Variants in WNK1 observed in about 807,000 individuals in gnomAD.
WNK1 encodes WNK lysine deficient protein kinase 1, also known as serine/threonine-protein kinase WNK1.
Under a neutral mutation model 222.8 loss-of-function variants are expected in WNK1, and 38 were observed. That is an observed-to-expected ratio of 0.17 (90% CI 0.13 to 0.22). WNK1 has a LOEUF of 0.22. Ranked by LOEUF, WNK1 falls within the 10% of genes least tolerant of loss-of-function variation. The probability of loss-of-function intolerance (pLI) is 1.00; values close to 1 mark genes in which losing one functional copy is unlikely to be tolerated. For synonymous variants in WNK1, 1,090 were observed against 1,092.9 expected, an observed-to-expected ratio of 1.00 and a Z score of 0.05; for missense variants, 2,348 against 2,918.4, an observed-to-expected ratio of 0.80 and a Z score of 4.50.
At chr12:832,141 T>C (rs752853967) in intron 4 of WNK1, among the ~76,000 whole-genome samples, 33 of 152,198 alleles carry the variant, frequency 2.2e-4, no homozygotes, top group Non-Finnish European at 4.3e-4. Context: ...AGTGGCGCCA[T>C]CTCGGCTCAC....
At chr12:803,029 AAAG>A (rs1183429412) in intron 1 of WNK1, among the ~76,000 whole-genome samples, 4 of 152,242 alleles carry the variant, frequency 2.6e-5, no homozygotes, top group African/African-American at 7.2e-5. Context: ...ATCACACAAA[AAAG>A]AAAAAAGAAT....
chr12:883,757 ACTTTTG>A lies in WNK1; in HGVS notation c.3664-16_3664-11del. On this transcript the variant is annotated splice_polypyrimidine_tract_variant and intron_variant, in intron 16 of 27. Coordinates refer to ENST00000315939, the MANE Select transcript of WNK1 (RefSeq NM_018979.4). ...ATTGCATTTGAGAATGTATTTAATCACTTTTGTTTGTTGTAGAAATTGGAAGGAGAG... is the reference window on the plus strand; with the variant it reads ...ATTGCATTTGAGAATGTATTTAATCATTTGTTGTAGAAATTGGAAGGAGAG... 6.2e-7 allele frequency: 1 copy of A among 1,613,994 alleles called. No individual in the cohort carries two copies. Among genetic ancestry groups the A allele is most frequent in the Non-Finnish European group, 8.5e-7 (1 of 1,179,886 alleles).
intron 7 of WNK1, 49 bp from the exon 8 acceptor site, chr12:862,034 G>T: frequency 6.2e-7 from 1 of 1,609,118 alleles, no homozygotes; most frequent in East Asian, 2.2e-5. Flanking sequence ...TCCATTTTGT[G>T]ATTTGTCTTT....
Position 883,250 on chromosome 12 carries a change from T to C in WNK1, c.3490-145T>C, listed in dbSNP as rs571586007. 60 of 1,054,940 alleles carry C rather than the reference T, an allele frequency of 5.7e-5. 2 individuals are homozygous for C. In the South Asian group the frequency reaches 7.7e-4, roughly 14 times the overall value. The allele number at this position is 1,054,940 out of a possible 1,614,324, so 65.3% of individuals were successfully genotyped here. A position where few individuals can be genotyped will look rare whatever the true frequency, so the allele number is the denominator to read the frequency against. ...TGTCTAGGCTATGTCTAACTAGATA[T>C]TGAAGTTCTTAAAAAGAGAAGAGCT... On this transcript the variant is annotated intron_variant, in intron 15 of 27. Coordinates refer to ENST00000315939, the MANE Select transcript of WNK1 (RefSeq NM_018979.4).
chr12:861,695 G>C (rs992316003), intron 7 of WNK1, among the ~76,000 whole-genome samples: 1 of 152,184 alleles, frequency 6.6e-6, no homozygotes, highest in South Asian at 2.1e-4. Flanking sequence ...CAGTCTGGTT[G>C]AGCTCTTTTA....
chr12:901,084 T>G (rs1280398345), intron 26 of WNK1: 1 of 301,262 alleles, frequency 3.3e-6, no homozygotes, highest in African/African-American at 2.2e-5. Context: ...ATGAATAACC[T>G]TACAATTCAG....
chr12:785,762 T>C (rs181177805), intron 1 of WNK1, among the ~76,000 whole-genome samples: 31 of 152,308 alleles, frequency 2.0e-4, no homozygotes, highest in Admixed American at 7.8e-4. Context: ...TCTTTAATTT[T>C]ATTTATTTAT....
chr12:755,628 A>C (rs1310698515), intron 1 of WNK1, among the ~76,000 whole-genome samples: 2 of 124,732 alleles, frequency 1.6e-5, no homozygotes, highest in Non-Finnish European at 3.4e-5. Context: ...CAGATCTTTA[A>C]AAAAAAAAAA....
chr12:885,708 G>T lies in WNK1; in HGVS notation c.4904G>T (p.Cys1635Phe), dbSNP rs767344731. The change falls in exon 19 of 28, where the codon TGT (cysteine) becomes TTT (phenylalanine). Residue 1635 changes from cysteine to phenylalanine, a missense_variant. Around this residue, in one of 13 missense-constraint regions of WNK1, gnomAD observed 1,144 missense variants for 1,273.6 expected, o/e 0.90. Transcript: ENST00000315939. The stretch of plus-strand genomic sequence containing the variant: ...CTTCCCAACCAGCCCCATACTCATT[G>T]TCCTGAAGTAGATTCTGATACACAA... ...ALLPNQPHTH[C>F]PEVDSDTQPK... 1 of 1,614,146 alleles carries T rather than the reference G, an allele frequency of 6.2e-7. No individual in the cohort carries two copies. Among genetic ancestry groups the T allele is most frequent in the Non-Finnish European group, 8.5e-7 (1 of 1,180,030 alleles).
chr12:837,061 C>T (rs893182860), intron 4 of WNK1, among the ~76,000 whole-genome samples: 2 of 152,080 alleles, frequency 1.3e-5, no homozygotes, highest in African/African-American at 2.4e-5. Flanking sequence ...AATTTAAAGG[C>T]GTTTAATTGA....
intron 20 of WNK1, among the ~76,000 whole-genome samples, chr12:888,880 T>C (rs961100590): frequency 4.6e-5 from 7 of 152,214 alleles, no homozygotes; most frequent in African/African-American, 1.7e-4. Flanking sequence ...ACATCAAACA[T>C]AGAATGTAAT....
chr12:775,675 CA>C (rs902312718), intron 1 of WNK1, among the ~76,000 whole-genome samples: 3 of 151,874 alleles, frequency 2.0e-5, no homozygotes, highest in African/African-American at 7.2e-5. Flanking sequence ...CACCTTGTCT[CA>C]AAAAAAAGTT....
intron 1 of WNK1, among the ~76,000 whole-genome samples, chr12:808,904 C>T (rs1251518774): frequency 2.0e-5 from 3 of 151,908 alleles, no homozygotes; most frequent in Non-Finnish European, 4.4e-5. Flanking sequence ...CCTCGGATTA[C>T]AGGCGCCTGC....
At chr12:795,800 CTT>C (rs1452820074) in intron 1 of WNK1, among the ~76,000 whole-genome samples, 4 of 152,146 alleles carry the variant, frequency 2.6e-5, no homozygotes, top group Admixed American at 1.3e-4. Context: ...ACTGTTTTCT[CTT>C]TGTTCCTTTA....
intron 9 of WNK1, among the ~76,000 whole-genome samples, chr12:874,396 G>A (rs897542122): frequency 1.4e-4 from 21 of 152,124 alleles, no homozygotes; most frequent in East Asian, 1.9e-4. Context: ...AACATTAACC[G>A]TTAGCCATTG....
intron 1 of WNK1, among the ~76,000 whole-genome samples, chr12:801,519 C>G (rs982754369): frequency 6.6e-6 from 1 of 151,024 alleles, no homozygotes; most frequent in Non-Finnish European, 1.5e-5. Flanking sequence ...AGGGATCCTC[C>G]CACCTCAGCC....
chr12:879,793 TGGC>T lies in WNK1; in HGVS notation c.2595_2597del (p.Met865_Ala866delinsIle). 6.2e-7 allele frequency: 1 copy of T among 1,614,136 alleles called. No homozygotes were observed. Among genetic ancestry groups the T allele is most frequent in the Non-Finnish European group, 8.5e-7 (1 of 1,180,026 alleles). On this transcript the variant is annotated inframe_deletion, in exon 11 of 28. Transcript: ENST00000315939. ...GGTTTCTCATCCCTTCCCATCACAA[TGGC>T]AGCTGGCATTACTCAGCCTCTGCTC... is the stretch of plus-strand genomic sequence containing the variant.
intron 1 of WNK1, among the ~76,000 whole-genome samples, chr12:792,058 A>T (rs944400393): frequency 1.4e-4 from 21 of 152,212 alleles, no homozygotes; most frequent in African/African-American, 5.1e-4. Flanking sequence ...AAATACAGAA[A>T]CTTTTTAATT....
At chr12:860,944 G>T in intron 6 of WNK1, 69 bp from the exon 7 acceptor site, 1 of 1,415,248 alleles carries the variant, frequency 7.1e-7, no homozygotes, top group Non-Finnish European at 9.8e-7. Context: ...TTTTTTGGCG[G>T]GGGGTGGTGG....
Sources: gnomAD v4.1 joint callset for allele counts (sites outside exome capture counted in the v4.1 genomes callset) on GRCh38, gnomAD v4.1.1 for gene constraint, gnomAD v4.1.1 regional missense constraint, MANE v1.5 for transcripts, NCBI Gene and HGNC (gene_info 2026-07-23, HGNC 2026-07-21) for gene names.